THSD4: variants seen among roughly 807,000 people sequenced by gnomAD.
THSD4 encodes the protein thrombospondin type 1 domain containing 4.
Under a neutral mutation model 119.0 loss-of-function variants are expected in THSD4, and 69 were observed. The observed-to-expected ratio is 0.58, with a 90% CI of 0.48 to 0.71. The LOEUF (loss-of-function observed/expected upper bound fraction) is 0.71. Ranked by LOEUF, THSD4 falls within the 30% of genes least tolerant of loss-of-function variation. THSD4 has a pLI of 0.00. For missense variants in THSD4, 1,393 were observed against 1,391.1 expected (o/e 1.00, Z -0.02); for synonymous variants, 524 against 540.4 (o/e 0.97, Z 0.42).
chr15:71,531,508 A>G (rs2048609437), intron 7 of THSD4, among the ~76,000 whole-genome samples: 1 of 152,326 alleles, frequency 6.6e-6, no homozygotes, highest in South Asian at 2.1e-4. Context: ...CTTCTACTGC[A>G]TTGTGGTTAA....
At chr15:71,661,937 G>A (rs1455542892) in intron 8 of THSD4, among the ~76,000 whole-genome samples, 1 of 152,104 alleles carries the variant, frequency 6.6e-6, no homozygotes. Context: ...CACTTTACAT[G>A]TAAGAAAGCA....
chr15:71,282,597 G>A (rs550634393), intron 6 of THSD4, among the ~76,000 whole-genome samples: 1 of 152,206 alleles, frequency 6.6e-6, no homozygotes, highest in South Asian at 2.1e-4. Flanking sequence ...AACACCCACA[G>A]TTAACCCACA....
rs140104126 is a variant in THSD4 at position 71,563,818 on chromosome 15, A to G, written c.1153-96712A>G. On this transcript the variant is annotated intron_variant, in intron 7 of 17. Coordinates refer to ENST00000261862, the MANE Select transcript of THSD4 (RefSeq NM_024817.3). ...CTCCCATCTCCTTTAAGTATATTCA[A>G]CTGGTGAGTGAACTCTTTATCCCGT... 3.1e-3 allele frequency among the ~76,000 whole-genome samples: 476 copies of G among 152,136 alleles called. 3 individuals are homozygous for G. Among genetic ancestry groups the G allele is most frequent in the African/African-American group, 0.011 (464 of 41,484 alleles).
intron 7 of THSD4, among the ~76,000 whole-genome samples, chr15:71,656,996 C>T (rs775647634): frequency 2.3e-4 from 35 of 152,276 alleles, no homozygotes; most frequent in Non-Finnish European, 2.4e-4. Flanking sequence ...CACGCCATCC[C>T]CAGTCCCCTC....
chr15:71,297,959 A>G (rs760833592), intron 6 of THSD4, among the ~76,000 whole-genome samples: 3 of 151,968 alleles, frequency 2.0e-5, no homozygotes, highest in Non-Finnish European at 4.4e-5. Context: ...TTGATGGTTT[A>G]TCTGTTTTTT....
chr15:71,347,699 C>T (rs2045684523), intron 6 of THSD4, among the ~76,000 whole-genome samples: 1 of 152,170 alleles, frequency 6.6e-6, no homozygotes, highest in Non-Finnish European at 1.5e-5. Flanking sequence ...TTCAGTTTCT[C>T]ACTTGTGCTA....
intron 6 of THSD4, among the ~76,000 whole-genome samples, chr15:71,300,218 C>T (rs1291459488): frequency 1.3e-5 from 2 of 151,700 alleles, no homozygotes; most frequent in Non-Finnish European, 2.9e-5. Flanking sequence ...AACCACACCC[C>T]TTCACCAAGA....
chr15:71,570,105 C>T (rs1201068516), intron 7 of THSD4, among the ~76,000 whole-genome samples: 2 of 152,182 alleles, frequency 1.3e-5, no homozygotes, highest in Admixed American at 1.3e-4. Context: ...AAGTCAATAC[C>T]ACTTTTTATG....
At chr15:71,257,608 G>C (rs2044334729) in intron 6 of THSD4, among the ~76,000 whole-genome samples, 2 of 152,178 alleles carry the variant, frequency 1.3e-5, no homozygotes, top group Admixed American at 1.3e-4. Flanking sequence ...AAGAGGGATT[G>C]ATAGTGAGTT....
intron 7 of THSD4, among the ~76,000 whole-genome samples, chr15:71,454,172 G>A (rs945074402): frequency 5.3e-5 from 8 of 152,044 alleles, no homozygotes; most frequent in African/African-American, 1.5e-4. Context: ...CAGGAGAATC[G>A]CTTGAACCCA....
intron 3 of THSD4, among the ~76,000 whole-genome samples, chr15:71,171,463 A>T (rs1350090962): frequency 6.6e-6 from 1 of 152,186 alleles, no homozygotes; most frequent in Non-Finnish European, 1.5e-5. Context: ...TAAAATAAAG[A>T]CATTTTCAGA....
At chr15:71,464,403 C>CT (rs949100883) in intron 7 of THSD4, among the ~76,000 whole-genome samples, 2 of 152,050 alleles carry the variant, frequency 1.3e-5, no homozygotes, top group Admixed American at 6.6e-5. Context: ...AAGGTATACT[C>CT]TTTTTTTCTC....
chr15:71,667,738 T>A (rs894690916), intron 8 of THSD4, among the ~76,000 whole-genome samples: 1 of 152,208 alleles, frequency 6.6e-6, no homozygotes, highest in Non-Finnish European at 1.5e-5. Flanking sequence ...ATCCCTAATA[T>A]TTTTTGCATG....
rs1566984796 is a variant in THSD4, at chr15:71,442,582, AT to A, written c.1152+30760del. On this transcript the variant is annotated intron_variant, in intron 7 of 17. Transcript: ENST00000261862. ...AAACTCCATCTCAAAAAAAAAAAAT[AT>A]ATATATATATATATATATGTGTGTG... is the stretch of plus-strand genomic sequence containing the variant. 9.4e-5 allele frequency among the ~76,000 whole-genome samples: 2 copies of A among 21,384 alleles called. 1 individual carries two copies. Among genetic ancestry groups the A allele is most frequent in the Non-Finnish European group, 2.4e-4 (2 of 8,176 alleles). The allele number at this position is 21,384 out of a possible 152,430, so 14.0% of individuals were successfully genotyped here.
intron 7 of THSD4, among the ~76,000 whole-genome samples, chr15:71,426,390 TGTGTGTG>T (rs2046868112): frequency 5.9e-5 from 8 of 136,382 alleles, no homozygotes; most frequent in South Asian, 2.4e-4. Flanking sequence ...TGTGTGTGTG[TGTGTGTG>T]TGTGTGTGTT....
At chr15:71,132,798 ATGTG>A (rs2040515671) in intron 1 of THSD4, among the ~76,000 whole-genome samples, 1 of 152,186 alleles carries the variant, frequency 6.6e-6, no homozygotes, top group African/African-American at 2.4e-5. Flanking sequence ...CAACACACGT[ATGTG>A]TGTGTATGTG....
chr15:71,430,783 A>AG (rs2046933956), intron 7 of THSD4, among the ~76,000 whole-genome samples: 1 of 148,898 alleles, frequency 6.7e-6, no homozygotes, highest in Non-Finnish European at 1.5e-5. Context: ...AAAAAAAAAA[A>AG]GAGAGTTACA....
chr15:71,312,744 C>T (rs1199313814), intron 6 of THSD4, among the ~76,000 whole-genome samples: 5 of 152,078 alleles, frequency 3.3e-5, no homozygotes, highest in Non-Finnish European at 7.4e-5. Flanking sequence ...GGCTCCCACT[C>T]CCCACTTCCC....
intron 7 of THSD4, among the ~76,000 whole-genome samples, chr15:71,467,854 T>TTA (rs2047521876): frequency 6.6e-6 from 1 of 150,682 alleles, no homozygotes; most frequent in Non-Finnish European, 1.5e-5. Flanking sequence ...GGTTTTTTTT[T>TTA]TTTTCTTTTT....
Sources: allele counts gnomAD v4.1 joint callset (sites outside exome capture counted in the v4.1 genomes callset), GRCh38; gene constraint gnomAD v4.1.1; transcripts MANE v1.5; gene names NCBI Gene and HGNC (gene_info 2026-07-23, HGNC 2026-07-21).